The following NUDT3 variants were observed in gnomAD, a reference collection of about 807,000 sequenced individuals.
The protein encoded by NUDT3 is diphosphoinositol polyphosphate phosphohydrolase 1.
NUDT3 carries 9 observed loss-of-function variants against 23.6 expected under a neutral mutation model. The observed-to-expected ratio is 0.38, with a 90% CI of 0.23 to 0.66. NUDT3 has a LOEUF of 0.66. Ranked by LOEUF, NUDT3 falls within the 30% of genes least tolerant of loss-of-function variation. NUDT3 has a pLI of 0.52. For missense variants in NUDT3, 172 were observed against 218.5 expected, an observed-to-expected ratio of 0.79 and a Z score of 1.34; for synonymous variants, 86 against 82.6, an observed-to-expected ratio of 1.04 and a Z score of -0.22.
chr6:34,349,642 G>GCT (rs1199526062), intron 1 of NUDT3, among the ~76,000 whole-genome samples: 1 of 150,530 alleles, frequency 6.6e-6, no homozygotes, highest in African/African-American at 2.5e-5. Context: ...CATTTGCAAA[G>GCT]CTCTGGCCAG....
At position 34,392,619 on chromosome 6, in the gene NUDT3, A is replaced by G; in HGVS notation, c.-257T>C. ...GGCCGCCGCCCCCTCTGCCGCCGCC[A>G]CCCCCGACGACGACCGCGCCGCCAT... is the stretch of plus-strand genomic sequence containing the variant. On this transcript the variant is annotated 5_prime_UTR_variant, in exon 1 of 5. Transcript: ENST00000607016. 1 of 262,570 alleles carries G rather than the reference A, an allele frequency of 3.8e-6. No homozygotes were observed. The highest frequency in any genetic ancestry group is 7.1e-6 in the Non-Finnish European group (1 of 139,922). 16.3% of individuals were successfully genotyped at this position (262,570 alleles called of 1,614,324 possible).
Position 34,392,373 on chromosome 6 carries a change from C to T in NUDT3, c.-11G>A, listed in dbSNP as rs1554160528. ...CTTGAGCTTCATCATCCTCCGGGCC[C>T]GGGTGGGGGTGCGGTGCGGGTCGCA... On this transcript the variant is annotated 5_prime_UTR_variant, in exon 1 of 5. Transcript: ENST00000607016. The T allele has an allele frequency of 1.3e-6, 2 of 1,595,244 alleles. No individual in the cohort carries two copies. The highest frequency in any genetic ancestry group is 1.1e-5 in the South Asian group (1 of 89,416).
At chr6:34,344,362 T>TA (rs60828165) in intron 1 of NUDT3, among the ~76,000 whole-genome samples, 1 of 152,044 alleles carries the variant, frequency 6.6e-6, no homozygotes, top group East Asian at 1.9e-4. Context: ...ATTCAGCCAT[T>TA]AAAAAAATGA....
chr6:34,362,416 T>C (rs1251372679), intron 1 of NUDT3, among the ~76,000 whole-genome samples: 3 of 152,092 alleles, frequency 2.0e-5, no homozygotes, highest in African/African-American at 7.2e-5. Context: ...CCTTAAGAGA[T>C]CCTCCTGCCT....
At chr6:34,296,204 G>T (rs138405843) in intron 2 of NUDT3, among the ~76,000 whole-genome samples, 14,396 of 152,268 alleles carry the variant, frequency 0.095, 796 homozygotes, top group Non-Finnish European at 0.12. Flanking sequence ...AGGAGTTCAA[G>T]GTTGCAATGA....
intron 2 of NUDT3, among the ~76,000 whole-genome samples, chr6:34,321,879 T>C (rs1003944026): frequency 3.9e-5 from 6 of 152,234 alleles, no homozygotes; most frequent in African/African-American, 1.4e-4. Context: ...TACTGAGCAC[T>C]TGAAATGTGG....
In NUDT3 at chr6:34,293,538, G is replaced by C. The variant is rs2113693903; in HGVS notation, c.256-3C>G. On this transcript the variant is annotated splice_polypyrimidine_tract_variant and splice_region_variant and intron_variant, in intron 3 of 4. Coordinates refer to ENST00000607016, the MANE Select transcript of NUDT3 (RefSeq NM_006703.4). ...GTCCTGTGCTTCCTCTCCTGGTTCT[G>C]AAGGGCAAAGAGAGAAGGATAGAGA... 1.9e-6 allele frequency: 3 copies of C among 1,614,172 alleles called. No individual in the cohort carries two copies. The highest frequency in any genetic ancestry group is 1.1e-5 in the South Asian group (1 of 91,080).
chr6:34,320,670 C>CA (rs1372737768), intron 2 of NUDT3, among the ~76,000 whole-genome samples: 2 of 152,000 alleles, frequency 1.3e-5, no homozygotes, highest in Admixed American at 6.5e-5. Context: ...CCCATTTCTA[C>CA]AAAAAATACA....
intron 1 of NUDT3, among the ~76,000 whole-genome samples, chr6:34,348,765 GACTCCGTCTCAAA>G (rs1293140825): frequency 4.6e-5 from 7 of 150,656 alleles, no homozygotes; most frequent in Non-Finnish European, 8.9e-5. Flanking sequence ...GACAGCGCAA[GACTCCGTCTCAAA>G]AAAAAAATAG....
intron 4 of NUDT3, among the ~76,000 whole-genome samples, chr6:34,291,524 GA>G (rs1268956674): frequency 6.7e-6 from 1 of 149,410 alleles, no homozygotes; most frequent in East Asian, 2.0e-4. Context: ...TTTTTTTTTT[GA>G]AACAGTCTTA....
At chr6:34,378,772 G>A (rs1366326761) in intron 1 of NUDT3, among the ~76,000 whole-genome samples, 1 of 152,198 alleles carries the variant, frequency 6.6e-6, no homozygotes, top group Admixed American at 6.5e-5. Context: ...CTAGGTGGAG[G>A]ATGGGTCCCT....
rs1763310741 is a variant in NUDT3, at chr6:34,284,376, T to A, written c.*4377A>T. 1 of 152,156 alleles carries A rather than the reference T, an allele frequency of 6.6e-6. No homozygotes were observed. Among genetic ancestry groups the A allele is most frequent in the Non-Finnish European group, 1.5e-5 (1 of 68,028 alleles). 9.4% of individuals were successfully genotyped at this position (152,156 alleles called of 1,614,324 possible). Reference sequence around the variant, plus strand: ...CTCTCATTTCTCTTAAAGCAAAAATTCATTCCACTGTGATTTCTCCAGGTA... The same window carrying A: ...CTCTCATTTCTCTTAAAGCAAAAATACATTCCACTGTGATTTCTCCAGGTA... On this transcript the variant is annotated 3_prime_UTR_variant, in exon 5 of 5. Transcript: ENST00000607016.
At position 34,392,601 on chromosome 6, in the gene NUDT3, GC is replaced by G. The variant is rs915326453; in HGVS notation, c.-240del. On this transcript the variant is annotated 5_prime_UTR_variant, in exon 1 of 5. The change creates a premature stop within an existing upstream ORF in the 5' untranslated region. Transcript: ENST00000607016. ...CGTCTCCGCTGCCGCCAGGGCCGCC[GC>G]CCCCTCTGCCGCCGCCACCCCCGAC... The G allele has an allele frequency of 2.0e-4, 60 of 294,632 alleles. No individual in the cohort carries two copies. Among genetic ancestry groups the G allele is most frequent in the African/African-American group, 6.4e-4 (29 of 45,294 alleles). The allele number at this position is 294,632 out of a possible 1,614,324, so 18.3% of individuals were successfully genotyped here.
chr6:34,383,025 G>C (rs1463844190), intron 1 of NUDT3, among the ~76,000 whole-genome samples: 1 of 151,602 alleles, frequency 6.6e-6, no homozygotes, highest in East Asian at 1.9e-4. Context: ...TACTCGGGAG[G>C]CTGAGGCAGG....
intron 1 of NUDT3, among the ~76,000 whole-genome samples, chr6:34,389,222 GT>G (rs1189641050): frequency 2.0e-5 from 3 of 152,138 alleles, no homozygotes; most frequent in Non-Finnish European, 2.9e-5. Context: ...ATCATGGGGA[GT>G]TTCCCCCATG....
At chr6:34,329,870 A>G (rs1323029149) in intron 2 of NUDT3, among the ~76,000 whole-genome samples, 2 of 152,098 alleles carry the variant, frequency 1.3e-5, no homozygotes, top group East Asian at 1.9e-4. Flanking sequence ...TCATTGTTCA[A>G]TTCCCACCCA....
chr6:34,295,814 C>T (rs1302155963), intron 2 of NUDT3, 129 bp from the exon 3 acceptor site: 1 of 1,046,400 alleles, frequency 9.6e-7, no homozygotes, highest in Non-Finnish European at 1.4e-6. Context: ...ACTCCACGAT[C>T]TGTGAAGTGA....
At chr6:34,333,937 A>G (rs951513006) in intron 2 of NUDT3, among the ~76,000 whole-genome samples, 7 of 152,260 alleles carry the variant, frequency 4.6e-5, no homozygotes, top group Admixed American at 2.0e-4. Flanking sequence ...TAAGTTTTGC[A>G]TAAGACAGGA....
intron 1 of NUDT3, among the ~76,000 whole-genome samples, chr6:34,343,616 A>G (rs562509773): frequency 6.6e-6 from 1 of 152,244 alleles, no homozygotes; most frequent in South Asian, 2.1e-4. Context: ...ACCTAAATGT[A>G]AGAGCTAAAA....
Sources: gnomAD v4.1 joint callset for allele counts (sites outside exome capture counted in the v4.1 genomes callset) on GRCh38, gnomAD v4.1.1 for gene constraint, MANE v1.5 for transcripts, NCBI Gene and HGNC (gene_info 2026-07-23, HGNC 2026-07-21) for gene names.